Variants in FOXP2 observed in about 807,000 individuals in gnomAD.
The protein encoded by FOXP2 is forkhead box protein P2.
A neutral mutation model predicts 115.8 loss-of-function variants in FOXP2; 12 were observed. The ratio of observed to expected loss-of-function variants is 0.10; its 90% CI spans 0.07 to 0.17. FOXP2 has a LOEUF of 0.17. Ranked by LOEUF, FOXP2 falls within the 10% of genes least tolerant of loss-of-function variation. FOXP2 has a pLI of 1.00. For synonymous variants in FOXP2, 328 were observed against 297.7 expected, an observed-to-expected ratio of 1.10 and a Z score of -1.05; for missense variants, 629 against 843.5, an observed-to-expected ratio of 0.75 and a Z score of 3.15.
At chr7:114,565,504 T>C (rs989700536) in intron 3 of FOXP2, among the ~76,000 whole-genome samples, 3 of 152,166 alleles carry the variant, frequency 2.0e-5, no homozygotes, top group African/African-American at 4.8e-5. Context: ...TACCAGATCT[T>C]ATGAATCTGA....
intron 1 of FOXP2, among the ~76,000 whole-genome samples, chr7:114,092,903 T>C (rs1281662848): frequency 6.6e-6 from 1 of 152,162 alleles, no homozygotes; most frequent in Admixed American, 6.5e-5. Flanking sequence ...GATCTTGTTC[T>C]ATACATATAG....
At chr7:114,257,557 G>T (rs961001387) in intron 1 of FOXP2, among the ~76,000 whole-genome samples, 5 of 147,840 alleles carry the variant, frequency 3.4e-5, no homozygotes, top group Non-Finnish European at 7.4e-5. Context: ...TGGTTCAGGC[G>T]ATTCTCCTGC....
chr7:114,291,985 A>AATATATATATTATAGATAATATGTAGAAT (rs3997265), intron 2 of FOXP2, among the ~76,000 whole-genome samples: 1 of 33,176 alleles, frequency 3.0e-5, no homozygotes, highest in African/African-American at 5.4e-5. Flanking sequence ...TAATATATAG[A>AATATATATATTATAGATAATATGTAGAAT]ATATATATTA....
chr7:114,468,833 G>C (rs1795921845), intron 2 of FOXP2, among the ~76,000 whole-genome samples: 1 of 151,968 alleles, frequency 6.6e-6, no homozygotes, highest in Non-Finnish European at 1.5e-5. Flanking sequence ...ATTCTCATCA[G>C]TTAACACAGA....
intron 1 of FOXP2, among the ~76,000 whole-genome samples, chr7:114,188,653 C>A (rs2129156821): frequency 6.6e-6 from 1 of 152,210 alleles, no homozygotes; most frequent in African/African-American, 2.4e-5. Context: ...GCAGTGGCAC[C>A]ATCCTGGCTT....
intron 3 of FOXP2, among the ~76,000 whole-genome samples, chr7:114,563,179 G>A (rs1024774199): frequency 6.6e-6 from 1 of 152,128 alleles, no homozygotes; most frequent in Non-Finnish European, 1.5e-5. Flanking sequence ...ATGACACATG[G>A]GGATTAAGGG....
chr7:114,693,132 A>T lies in FOXP2; in HGVS notation c.*3206A>T. On this transcript the variant is annotated 3_prime_UTR_variant, in exon 17 of 17. Coordinates refer to ENST00000350908, the MANE Select transcript of FOXP2 (RefSeq NM_014491.4). ...TTCTATGTGGTTGGATTCGTGGCAC[A>T]GTTGTACTATTTGAAAATCAATTAA... 2.2e-6 allele frequency: 1 copy of T among 453,922 alleles called. No individual in the cohort carries two copies. Among genetic ancestry groups the T allele is most frequent in the Non-Finnish European group, 4.4e-6 (1 of 226,662 alleles). 28.1% of individuals were successfully genotyped at this position (453,922 alleles called of 1,614,324 possible). A position where few individuals can be genotyped will look rare whatever the true frequency, so the allele number is the denominator to read the frequency against.
chr7:114,439,115 C>A (rs1041144190), intron 2 of FOXP2, among the ~76,000 whole-genome samples: 4 of 152,040 alleles, frequency 2.6e-5, no homozygotes, highest in African/African-American at 9.7e-5. Context: ...AATTGGAGAT[C>A]CATTCTCTTG....
chr7:114,441,417 C>T (rs1322898620), intron 2 of FOXP2, among the ~76,000 whole-genome samples: 1 of 152,026 alleles, frequency 6.6e-6, no homozygotes, highest in African/African-American at 2.4e-5. Flanking sequence ...CACATCACTG[C>T]ACTGCAGCCT....
intron 8 of FOXP2, among the ~76,000 whole-genome samples, chr7:114,651,106 T>C (rs184429391): frequency 4.9e-3 from 745 of 152,174 alleles, no homozygotes; most frequent in African/African-American, 7.8e-3. Context: ...GATACAAAAA[T>C]ATATTTGTTG....
chr7:114,459,845 AC>A (rs1238139556), intron 2 of FOXP2, among the ~76,000 whole-genome samples: 1 of 152,088 alleles, frequency 6.6e-6, no homozygotes, highest in African/African-American at 2.4e-5. Context: ...CGAACCGCTG[AC>A]CTCAAGTGAT....
intron 1 of FOXP2, among the ~76,000 whole-genome samples, chr7:114,170,717 T>C (rs201629425): frequency 6.6e-6 from 1 of 152,140 alleles, no homozygotes; most frequent in African/African-American, 2.4e-5. Flanking sequence ...GCCCTAACTC[T>C]CTTCAATTTG....
At chr7:114,675,500 A>G (rs1807706225) in intron 16 of FOXP2, among the ~76,000 whole-genome samples, 1 of 152,190 alleles carries the variant, frequency 6.6e-6, no homozygotes, top group African/African-American at 2.4e-5. Context: ...CAGCAATGTG[A>G]TAGAGTAAGA....
At chr7:114,637,043 G>A (rs1805260026) in intron 6 of FOXP2, among the ~76,000 whole-genome samples, 2 of 152,004 alleles carry the variant, frequency 1.3e-5, no homozygotes, top group Admixed American at 1.3e-4. Context: ...GCATGATGAC[G>A]TATGCCTGTG....
intron 2 of FOXP2, among the ~76,000 whole-genome samples, chr7:114,439,597 G>A (rs1022012588): frequency 6.6e-6 from 1 of 152,058 alleles, no homozygotes; most frequent in Non-Finnish European, 1.5e-5. Context: ...GCTGGATGGA[G>A]TGCAGTGGCG....
chr7:114,460,376 G>A (rs151202306), intron 2 of FOXP2, among the ~76,000 whole-genome samples: 1 of 152,290 alleles, frequency 6.6e-6, no homozygotes, highest in Non-Finnish European at 1.5e-5. Context: ...TAATCACCCA[G>A]TAGTGAGTGT....
intron 1 of FOXP2, among the ~76,000 whole-genome samples, chr7:114,113,137 TATCTA>T (rs1791315295): frequency 6.6e-6 from 1 of 152,162 alleles, no homozygotes; most frequent in Non-Finnish European, 1.5e-5. Flanking sequence ...TCTCTTTAGT[TATCTA>T]AAGTAGTATG....
intron 1 of FOXP2, among the ~76,000 whole-genome samples, chr7:114,271,997 A>G (rs1206155013): frequency 2.9e-5 from 4 of 135,686 alleles, no homozygotes; most frequent in African/African-American, 1.1e-4. Context: ...AATATATAAT[A>G]TGTAATATTA....
intron 2 of FOXP2, among the ~76,000 whole-genome samples, chr7:114,475,485 C>A (rs542306000): frequency 9.6e-4 from 146 of 152,036 alleles, no homozygotes; most frequent in African/African-American, 3.3e-3. Context: ...GGCCCCTTTG[C>A]GTGATTCCAT....
Sources: gnomAD v4.1 joint callset for allele counts (sites outside exome capture counted in the v4.1 genomes callset) on GRCh38, gnomAD v4.1.1 for gene constraint, MANE v1.5 for transcripts, NCBI Gene and HGNC (gene_info 2026-07-23, HGNC 2026-07-21) for gene names.